RMC1: variants seen among roughly 807,000 people sequenced by gnomAD.
RMC1 encodes regulator of MON1-CCZ1.
In RMC1, 44 loss-of-function variants were observed where a neutral mutation model predicts 95.5. The ratio of observed to expected loss-of-function variants is 0.46; its 90% CI spans 0.36 to 0.59. The LOEUF (loss-of-function observed/expected upper bound fraction) is 0.59. Ranked by LOEUF, RMC1 falls within the 20% of genes least tolerant of loss-of-function variation. The pLI is 0.00. For synonymous variants in RMC1, 320 were observed against 303.6 expected (o/e 1.05, Z -0.56); for missense variants, 705 against 819.6 (o/e 0.86, Z 1.71).
At chr18:23,519,258 C>A in intron 9 of RMC1, 84 bp downstream of exon 9, 1 of 1,231,256 alleles carries the variant, frequency 8.1e-7, no homozygotes, top group Non-Finnish European at 1.2e-6. Context: ...TGGATCACGC[C>A]TGTAATCCCA....
intron 7 of RMC1, among the ~76,000 whole-genome samples, chr18:23,518,025 C>T (rs2058055217): frequency 6.6e-6 from 1 of 152,234 alleles, no homozygotes; most frequent in Non-Finnish European, 1.5e-5. Context: ...GCCAGCATTC[C>T]TGTTTAGACA....
At position 23,520,198 on chromosome 18, in the gene RMC1, C is replaced by T; in HGVS notation, c.850-4C>T. 2 of 1,612,000 alleles carry T rather than the reference C, an allele frequency of 1.2e-6. No homozygotes were observed. The highest frequency in any genetic ancestry group is 1.7e-6 in the Non-Finnish European group (2 of 1,178,138). On this transcript the variant is annotated splice_region_variant and splice_polypyrimidine_tract_variant and intron_variant, in intron 9 of 19. Transcript: ENST00000269221. ...GGCCTCAGTCTTGTCTTTTTCCCCC[C>T]CAGACATCGGTAATATTCGATATCA...
intron 1 of RMC1, 101 bp downstream of exon 1, chr18:23,503,821 C>G (rs982944771): frequency 3.4e-5 from 34 of 992,404 alleles, no homozygotes; most frequent in Non-Finnish European, 4.3e-5. Context: ...CCCTCCTGTC[C>G]TGTCCCGTCC....
rs749665003 is a variant in RMC1, at chr18:23,504,430, GA to G, written c.164del (p.Asn55IlefsTer13). 1 of 1,613,670 alleles carries G rather than the reference GA, an allele frequency of 6.2e-7. No homozygotes were observed. Among genetic ancestry groups the G allele is most frequent in the Non-Finnish European group, 8.5e-7 (1 of 1,179,560 alleles). On this transcript the variant is annotated frameshift_variant, in exon 2 of 20. Transcript: ENST00000269221. LOFTEE classifies it high-confidence loss of function. ...TGGTAGTTAAAGGCCCAGATGATAGGAATCCCATCTCATTTAGGTAATGGTA... is the reference window on the plus strand; with the variant it reads ...TGGTAGTTAAAGGCCCAGATGATAGGATCCCATCTCATTTAGGTAATGGTA... ...GVVVKGPDDR[N>X]PISFRMDDKG...
At chr18:23,529,572 A>T (rs1028390185) in intron 15 of RMC1, 63 bp from the exon 16 acceptor site, 7 of 1,417,944 alleles carry the variant, frequency 4.9e-6, no homozygotes, top group South Asian at 2.3e-5. Flanking sequence ...TTGGATAGAG[A>T]GTTATATGCA....
In RMC1 at chr18:23,503,584, C is replaced by G; in HGVS notation, c.-35C>G. On this transcript the variant is annotated 5_prime_UTR_variant, in exon 1 of 20. Transcript: ENST00000269221. The stretch of plus-strand genomic sequence containing the variant: ...GCATCCTGCTCCACTCTGGCGACCG[C>G]CCCCGGGGCCCCCGCCGCGGGCGCG... 2 of 1,511,790 alleles carry G rather than the reference C, an allele frequency of 1.3e-6. No individual in the cohort carries two copies. Among genetic ancestry groups the G allele is most frequent in the Non-Finnish European group, 1.8e-6 (2 of 1,121,236 alleles). 93.6% of individuals were successfully genotyped at this position (1,511,790 alleles called of 1,614,324 possible). A position where few individuals can be genotyped will look rare whatever the true frequency, so the allele number is the denominator to read the frequency against.
intron 5 of RMC1, among the ~76,000 whole-genome samples, chr18:23,514,765 T>G (rs1372007371): frequency 6.6e-6 from 1 of 152,112 alleles, no homozygotes; most frequent in African/African-American, 2.4e-5. Flanking sequence ...CCTAGATGGC[T>G]TCAGATCTTC....
chr18:23,531,782 A>G lies in RMC1; in HGVS notation c.*78A>G. On this transcript the variant is annotated 3_prime_UTR_variant, in exon 20 of 20. Coordinates refer to ENST00000269221, the MANE Select transcript of RMC1 (RefSeq NM_013326.5). ...TTAATAAAGCTCTTTAAACTATAAA[A>G]TGTTATAAAGTGTATCTACAACCTC... The G allele has an allele frequency of 6.4e-7, 1 of 1,562,896 alleles. No individual in the cohort carries two copies. Among genetic ancestry groups the G allele is most frequent in the Admixed American group, 2.0e-5 (1 of 49,590 alleles).
At chr18:23,516,128 C>A in intron 6 of RMC1, 132 bp downstream of exon 6, 1 of 1,401,960 alleles carries the variant, frequency 7.1e-7, no homozygotes, top group Non-Finnish European at 9.9e-7. Context: ...CACTAGAGGG[C>A]ACTCTGTATA....
At position 23,529,164 on chromosome 18, in the gene RMC1, G is replaced by T. The variant is rs1567934931; in HGVS notation, c.1297-15G>T. The T allele has an allele frequency of 2.5e-6, 4 of 1,606,458 alleles. No homozygotes were observed. The highest frequency in any genetic ancestry group is 1.1e-5 in the South Asian group (1 of 89,942). On this transcript the variant is annotated splice_polypyrimidine_tract_variant and intron_variant, in intron 14 of 19. Coordinates refer to ENST00000269221, the MANE Select transcript of RMC1 (RefSeq NM_013326.5). The stretch of plus-strand genomic sequence containing the variant: ...AAGATGCCGAAGATCATAGTTTGTG[G>T]TTTTTTTCTTTCAGGCGGTGGAAGC...
Position 23,529,619 on chromosome 18 carries a change from A to G in RMC1, c.1417-16A>G. 5.0e-6 allele frequency: 8 copies of G among 1,611,014 alleles called. No individual in the cohort carries two copies. The highest frequency in any genetic ancestry group is 6.8e-6 in the Non-Finnish European group (8 of 1,177,312). ...ACCTCGTTGGTATTTGTAAGACCAC[A>G]TTTTTTTCTCCCTAGGAGATGCCTC... On this transcript the variant is annotated splice_polypyrimidine_tract_variant and intron_variant, in intron 15 of 19. Transcript: ENST00000269221.
intron 15 of RMC1, 138 bp from the exon 16 acceptor site, chr18:23,529,497 G>A: frequency 8.1e-7 from 1 of 1,241,576 alleles, no homozygotes; most frequent in Admixed American, 2.1e-5. Context: ...TGGTTCTGGA[G>A]CGATGTGTGC....
Position 23,503,682 on chromosome 18 carries a change from C to T in RMC1, c.64C>T (p.Pro22Ser), listed in dbSNP as rs371339575. 8.2e-6 allele frequency: 13 copies of T among 1,594,772 alleles called. No homozygotes were observed. The highest frequency in any genetic ancestry group is 1.7e-4 in the Middle Eastern group (1 of 5,984). Reference protein sequence around the residue: ...ERPVQFEKANPVNCVFFDEAN... With the variant: ...ERPVQFEKANSVNCVFFDEAN... ...GCCGGTGCAGTTCGAGAAGGCGAAC[C>T]CTGTCAACTGCGTCTTCTTCGATGA... The change falls in exon 1 of 20, where the codon CCT becomes TCT. Residue 22 changes from proline (P) to serine (S), a missense_variant. By Grantham distance (74) the Pro-to-Ser change is moderately conservative. Coordinates refer to ENST00000269221, the MANE Select transcript of RMC1 (RefSeq NM_013326.5).
chr18:23,529,041 G>C lies in RMC1; in HGVS notation c.1297-138G>C. On this transcript the variant is annotated intron_variant, in intron 14 of 19. Coordinates refer to ENST00000269221, the MANE Select transcript of RMC1 (RefSeq NM_013326.5). The stretch of plus-strand genomic sequence containing the variant: ...ATTACAGGCATGCGCACAGGAAAAA[G>C]TTGTATCTAAGTAGAGAAAGTGTTT... 3 of 1,398,854 alleles carry C rather than the reference G, an allele frequency of 2.1e-6. No individual in the cohort carries two copies. The South Asian group carries it at 4.2e-5, about 20-fold the overall frequency. 86.7% of individuals were successfully genotyped at this position (1,398,854 alleles called of 1,614,324 possible).
At chr18:23,517,004 G>A (rs1388817254) in intron 7 of RMC1, among the ~76,000 whole-genome samples, 1 of 151,976 alleles carries the variant, frequency 6.6e-6, no homozygotes, top group Non-Finnish European at 1.5e-5. Context: ...GGGATTACAG[G>A]CATGAGCCAC....
chr18:23,531,169 T>G (rs2058491376), intron 19 of RMC1, among the ~76,000 whole-genome samples: 1 of 152,074 alleles, frequency 6.6e-6, no homozygotes, highest in Admixed American at 6.5e-5. Flanking sequence ...TTTTGTATTT[T>G]TAGTAGAGAT....
At chr18:23,528,713 A>C (rs1762667980) in intron 14 of RMC1, 1 of 154,850 alleles carries the variant, frequency 6.5e-6, no homozygotes, top group African/African-American at 2.4e-5. Flanking sequence ...GTCTGATCCC[A>C]AATGGCAGTT....
At chr18:23,514,571 A>T (rs1022961810) in intron 5 of RMC1, among the ~76,000 whole-genome samples, 16 of 151,574 alleles carry the variant, frequency 1.1e-4, no homozygotes, top group Non-Finnish European at 1.8e-4. Context: ...AAAAAAAAAA[A>T]TTTGTAATGA....
At chr18:23,527,983 G>C in intron 14 of RMC1, 82 bp downstream of exon 14, 1 of 1,167,044 alleles carries the variant, frequency 8.6e-7, no homozygotes, top group Non-Finnish European at 1.2e-6. Context: ...ATGCAAAATT[G>C]TTTCCTATAT....
Sources: gnomAD v4.1 joint callset for allele counts (sites outside exome capture counted in the v4.1 genomes callset) on GRCh38, gnomAD v4.1.1 for gene constraint, MANE v1.5 for transcripts, NCBI Gene and HGNC (gene_info 2026-07-23, HGNC 2026-07-21) for gene names.